Variants in FGD6 observed in about 807,000 individuals in gnomAD.
FGD6 encodes FYVE, RhoGEF and PH domain-containing protein 6.
A neutral mutation model predicts 149.4 loss-of-function variants in FGD6; 90 were observed. The ratio of observed to expected loss-of-function variants is 0.60; its 90% confidence interval spans 0.51 to 0.72. The LOEUF (loss-of-function observed/expected upper bound fraction) is 0.72, where lower values mean the gene tolerates loss of function less well. FGD6 is among the 30% of genes least tolerant of loss of function. FGD6 has a pLI of 0.00. For synonymous variants in FGD6, 527 were observed against 584.0 expected (o/e 0.90, Z 1.41); for missense variants, 1,437 against 1,684.8 (o/e 0.85, Z 2.57).
At chr12:95,123,411 C>T (rs1024562364) in intron 8 of FGD6, among the ~76,000 whole-genome samples, 1 of 152,016 alleles carries the variant, frequency 6.6e-6, no homozygotes, top group African/African-American at 2.4e-5. Context: ...ACAGAACTCA[C>T]AAACCAAACC....
intron 8 of FGD6, among the ~76,000 whole-genome samples, chr12:95,132,770 TAAAC>T (rs1802333409): frequency 6.6e-6 from 1 of 151,718 alleles, no homozygotes; most frequent in African/African-American, 2.4e-5. Context: ...AATAAATAAA[TAAAC>T]AAATAAATAA....
At position 95,172,046 on chromosome 12, in the gene FGD6, G is replaced by GGCT. The variant is rs562514503; in HGVS notation, c.2586+553_2586+554insAGC. Among the ~76,000 whole-genome samples, 8 of 136,322 alleles carry GGCT rather than the reference G, an allele frequency of 5.9e-5. 1 individual carries two copies. The highest frequency in any genetic ancestry group is 1.3e-4 in the Non-Finnish European group (8 of 63,710). 89.4% of individuals were successfully genotyped at this position (136,322 alleles called of 152,430 possible). ...AGGGAACAATTCTAAGGGGGGGGGG[G>GGCT]TTGTTATCAAAAAGCAAGCCATTGG... On this transcript the variant is annotated intron_variant, in intron 3 of 20. Coordinates refer to ENST00000343958, the MANE Select transcript of FGD6 (RefSeq NM_018351.4).
chr12:95,087,926 T>TG (rs1241244634), intron 18 of FGD6, among the ~76,000 whole-genome samples: 1 of 151,812 alleles, frequency 6.6e-6, no homozygotes, highest in African/African-American at 2.4e-5. Flanking sequence ...CCTATCTCAG[T>TG]GAAAAAAAAG....
intron 8 of FGD6, among the ~76,000 whole-genome samples, chr12:95,114,117 A>C (rs1214292237): frequency 6.6e-6 from 1 of 152,204 alleles, no homozygotes; most frequent in Non-Finnish European, 1.5e-5. Context: ...CCAATCCCTA[A>C]AAGTCTCCTG....
chr12:95,213,112 G>A (rs2136305908), intron 1 of FGD6, among the ~76,000 whole-genome samples: 2 of 152,240 alleles, frequency 1.3e-5, no homozygotes, highest in African/African-American at 4.8e-5. Flanking sequence ...AGTTGTAAAT[G>A]TCTATTAAAT....
intron 3 of FGD6, among the ~76,000 whole-genome samples, chr12:95,153,946 T>A (rs567906218): frequency 0.067 from 9,196 of 137,450 alleles, 343 homozygotes; most frequent in South Asian, 0.13. Context: ...TGTGTGTGTG[T>A]GAGTGAGAGA....
chr12:95,149,416 A>ATATAATATATAGCATG (rs1880223318), intron 5 of FGD6, among the ~76,000 whole-genome samples: 1 of 125,812 alleles, frequency 7.9e-6, no homozygotes, highest in African/African-American at 3.0e-5. Flanking sequence ...TATATAGCAT[A>ATATAATATATAGCATG]CTATATAATA....
chr12:95,202,279 C>T (rs1357817520), intron 2 of FGD6, among the ~76,000 whole-genome samples: 2 of 151,820 alleles, frequency 1.3e-5, no homozygotes, highest in African/African-American at 4.8e-5. Context: ...CCCAGCTACT[C>T]AGGAGGCTGA....
At chr12:95,163,373 C>T (rs1407496933) in intron 3 of FGD6, among the ~76,000 whole-genome samples, 1 of 152,056 alleles carries the variant, frequency 6.6e-6, no homozygotes, top group African/African-American at 2.4e-5. Context: ...ATGATGGCTC[C>T]CTTGACATTC....
At chr12:95,192,809 T>G (rs1229138508) in intron 2 of FGD6, among the ~76,000 whole-genome samples, 1 of 152,126 alleles carries the variant, frequency 6.6e-6, no homozygotes, top group African/African-American at 2.4e-5. Context: ...AAATTCTCTG[T>G]CTGGGAAAAG....
intron 19 of FGD6, 91 bp from the exon 20 acceptor site, chr12:95,084,737 T>TTA: frequency 9.6e-7 from 1 of 1,042,270 alleles, no homozygotes; most frequent in Non-Finnish European, 1.3e-6. Flanking sequence ...TCTAATTTAA[T>TTA]TTCAATTATT....
At chr12:95,146,824 A>G (rs186257156) in intron 5 of FGD6, among the ~76,000 whole-genome samples, 233 of 152,314 alleles carry the variant, frequency 1.5e-3, no homozygotes, top group Middle Eastern at 3.4e-3. Flanking sequence ...TTCTTTTGAG[A>G]TATTAACATA....
At position 95,113,558 on chromosome 12, in the gene FGD6, T is replaced by G. The variant is rs559772562; in HGVS notation, c.3133+93A>C. The G allele has an allele frequency of 3.0e-6, 3 of 1,006,994 alleles. No individual in the cohort carries two copies. In the South Asian group the frequency reaches 4.3e-5, roughly 15 times the overall value. 62.4% of individuals were successfully genotyped at this position (1,006,994 alleles called of 1,614,324 possible). On this transcript the variant is annotated intron_variant, in intron 9 of 20. Coordinates refer to ENST00000343958, the MANE Select transcript of FGD6 (RefSeq NM_018351.4). Reference sequence around the variant, plus strand: ...CCCTTCAAGTCGTATGAAGAGAGTTTGTAATGGATTTTGTTATCAATATAT... The same window carrying G: ...CCCTTCAAGTCGTATGAAGAGAGTTGGTAATGGATTTTGTTATCAATATAT...
chr12:95,108,274 A>C, intron 11 of FGD6, 74 bp downstream of exon 11: 1 of 1,329,634 alleles, frequency 7.5e-7, no homozygotes, highest in Non-Finnish European at 1.0e-6. Context: ...CTATTTTTAT[A>C]AAATGATAAA....
intron 9 of FGD6, among the ~76,000 whole-genome samples, chr12:95,111,492 TATTCTA>T (rs1314777041): frequency 6.6e-6 from 1 of 152,206 alleles, no homozygotes; most frequent in Non-Finnish European, 1.5e-5. Context: ...GTTTTCTTTC[TATTCTA>T]TAAGTTCCAT....
intron 1 of FGD6, among the ~76,000 whole-genome samples, chr12:95,215,999 A>AGC (rs2056761678): frequency 3.9e-5 from 6 of 152,376 alleles, no homozygotes; most frequent in Admixed American, 3.9e-4. Flanking sequence ...GTAAGTATAA[A>AGC]GCCTCCCTTT....
chr12:95,172,616 G>A lies in FGD6; in HGVS notation c.2570C>T (p.Pro857Leu). 2 of 1,608,226 alleles carry A rather than the reference G, an allele frequency of 1.2e-6. No homozygotes were observed. The highest frequency in any genetic ancestry group is 2.2e-5 in the East Asian group (1 of 44,742). The change falls in exon 3 of 21, where the codon CCA (proline) becomes CTA (leucine). Residue 857 changes from proline (P) to leucine (L), a missense_variant. By Grantham distance (98) the Pro-to-Leu change is moderately conservative. Around this residue, in one of 2 missense-constraint regions of FGD6, gnomAD observed 1,055 missense variants for 1,146.0 expected, o/e 0.92. Coordinates refer to ENST00000343958, the MANE Select transcript of FGD6 (RefSeq NM_018351.4). ...AAAGTATACCTGTTTATCTTCCAGTGGGTCAGGCTCTCCTTTACTTGACTC... is the reference window on the plus strand; with the variant it reads ...AAAGTATACCTGTTTATCTTCCAGTAGGTCAGGCTCTCCTTTACTTGACTC... ...SSESSKGEPD[P>L]LEDKQDEDNG...
Position 95,148,395 on chromosome 12 carries a change from G to A in FGD6, c.2685+4416C>T, listed in dbSNP as rs990151138. Reference sequence around the variant, plus strand: ...CTCTCAAATTTTCAAGGAAATGTACGTCTCCACCTAAAGAAATTAGTGAAG... The same window carrying A: ...CTCTCAAATTTTCAAGGAAATGTACATCTCCACCTAAAGAAATTAGTGAAG... On this transcript the variant is annotated intron_variant, in intron 5 of 20. Coordinates refer to ENST00000343958, the MANE Select transcript of FGD6 (RefSeq NM_018351.4). 8.4e-4 allele frequency among the ~76,000 whole-genome samples: 125 copies of A among 148,642 alleles called. 2 individuals are homozygous for A. The highest frequency in any genetic ancestry group is 8.4e-3 in the Admixed American group (121 of 14,436).
chr12:95,208,263 T>A (rs1165448413), intron 2 of FGD6, among the ~76,000 whole-genome samples: 1 of 150,448 alleles, frequency 6.6e-6, no homozygotes, highest in African/African-American at 2.5e-5. Flanking sequence ...AAAAAAAAAT[T>A]TTTTTTTAAT....
Sources: gnomAD v4.1 joint callset for allele counts (sites outside exome capture counted in the v4.1 genomes callset) on GRCh38, gnomAD v4.1.1 for gene constraint, gnomAD v4.1.1 regional missense constraint, MANE v1.5 for transcripts, NCBI Gene and HGNC (gene_info 2026-07-23, HGNC 2026-07-21) for gene names.